TCERG1: variants seen among roughly 807,000 people sequenced by gnomAD.
TCERG1 encodes transcription elongation regulator 1, also known as TATA box binding protein (TBP)-associated factor, RNA polymerase II, S, 150kD.
In TCERG1, 37 loss-of-function variants were observed where a neutral mutation model predicts 144.7. The ratio of observed to expected loss-of-function variants is 0.26; its 90% CI spans 0.20 to 0.34. TCERG1 has a LOEUF of 0.34. TCERG1 is among the 10% of genes least tolerant of loss of function. TCERG1 has a pLI of 1.00. For synonymous variants in TCERG1, 492 were observed against 458.2 expected (o/e 1.07, Z -0.94); for missense variants, 1,027 against 1,380.7 (o/e 0.74, Z 4.06).
intron 15 of TCERG1, among the ~76,000 whole-genome samples, 190 bp downstream of exon 15, chr5:146,483,819 T>G (rs1425752608): frequency 4.6e-5 from 7 of 152,162 alleles, no homozygotes; most frequent in Non-Finnish European, 1.0e-4. Context: ...TTTTTGCCCT[T>G]ATGAGCATGG....
At chr5:146,460,433 TA>T (rs1763241534) in intron 4 of TCERG1, among the ~76,000 whole-genome samples, 1 of 151,678 alleles carries the variant, frequency 6.6e-6, no homozygotes, top group South Asian at 2.1e-4. Flanking sequence ...ATGATTTTTT[TA>T]TTTGATTATT....
rs1406349427 is a variant in TCERG1, at chr5:146,507,838, T to C, written c.2962-35T>C. 1.3e-6 allele frequency: 2 copies of C among 1,487,836 alleles called. No homozygotes were observed. The highest frequency in any genetic ancestry group is 2.3e-5 in the East Asian group (1 of 43,806). 92.2% of individuals were successfully genotyped at this position (1,487,836 alleles called of 1,614,324 possible). ...GTTTGACTCCCTAAGTAAAAGTGAG[T>C]TGTATTTATGTTTTTTATTCATGTC... On this transcript the variant is annotated intron_variant, in intron 20 of 22. Transcript: ENST00000679501. The surrounding 1 kb of genome is among the most constrained non-coding windows in gnomAD (Gnocchi z 4.6).
At chr5:146,471,349 T>C in intron 8 of TCERG1, 139 bp from the exon 9 acceptor site, 2 of 714,664 alleles carry the variant, frequency 2.8e-6, no homozygotes, top group Non-Finnish European at 4.6e-6. Context: ...TTTAGAACTT[T>C]CTTCCTACTC....
intron 4 of TCERG1, among the ~76,000 whole-genome samples, chr5:146,463,109 A>G (rs950123651): frequency 3.9e-5 from 6 of 152,152 alleles, no homozygotes; most frequent in African/African-American, 1.4e-4. Context: ...TTTTGTTGGT[A>G]TGCCTACTGT....
At chr5:146,499,061 T>G (rs1009163893) in intron 17 of TCERG1, among the ~76,000 whole-genome samples, 2 of 152,230 alleles carry the variant, frequency 1.3e-5, no homozygotes, top group Admixed American at 6.5e-5. Flanking sequence ...CTCTAAAAGA[T>G]AGCATTTTAG....
intron 16 of TCERG1, among the ~76,000 whole-genome samples, chr5:146,497,521 C>G (rs921326380): frequency 6.6e-6 from 1 of 152,100 alleles, no homozygotes; most frequent in Non-Finnish European, 1.5e-5. Context: ...CTATTGACTT[C>G]AAAAAATTTT....
chr5:146,457,666 G>A (rs749629254), intron 3 of TCERG1, among the ~76,000 whole-genome samples: 7 of 152,238 alleles, frequency 4.6e-5, no homozygotes, highest in Non-Finnish European at 8.8e-5. Flanking sequence ...ATTCTTATCA[G>A]TAAGGGAATG....
chr5:146,468,905 A>G (rs1438119199), intron 6 of TCERG1, among the ~76,000 whole-genome samples: 1 of 151,880 alleles, frequency 6.6e-6, no homozygotes, highest in Non-Finnish European at 1.5e-5. Context: ...GTTTTGATTC[A>G]CATATCCTTA....
In TCERG1 at chr5:146,447,374, G is replaced by T. The variant is rs752810010; in HGVS notation, c.25G>T (p.Gly9Cys). 6.2e-7 allele frequency: 1 copy of T among 1,611,674 alleles called. No homozygotes were observed. Among genetic ancestry groups the T allele is most frequent in the Non-Finnish European group, 8.5e-7 (1 of 1,179,150 alleles). Residue 9 changes from glycine (G) to cysteine (C), a missense_variant, in exon 1 of 23, where the codon GGC becomes TGC. Gly to Cys is a radical substitution (Grantham distance 159). Around this residue, in one of 6 missense-constraint regions of TCERG1, gnomAD observed 175 missense variants for 197.0 expected, o/e 0.89. Transcript: ENST00000679501. ...AATGGCGGAGCGTGGCGGGGACGGG[G>T]GCGAGAGTGAACGATTCAACCCGGG... The part of the protein sequence containing the change: MAERGGDG[G>C]ESERFNPGEL...
chr5:146,507,805 GT>G lies in TCERG1; in HGVS notation c.2962-67del, dbSNP rs1208372545. 1.9e-6 allele frequency: 2 copies of G among 1,038,870 alleles called. No homozygotes were observed. Among genetic ancestry groups the G allele is most frequent in the Admixed American group, 2.1e-5 (1 of 48,602 alleles). The allele number at this position is 1,038,870 out of a possible 1,614,324, so 64.4% of individuals were successfully genotyped here. ...TCAGTGTGTAATATTATGTACCTAT[GT>G]GCTGCAGTTTGACTCCCTAAGTAAA... On this transcript the variant is annotated intron_variant, in intron 20 of 22. Coordinates refer to ENST00000679501, the MANE Select transcript of TCERG1 (RefSeq NM_001382548.1). This position sits in a 1 kb window ranked among gnomAD's most constrained non-coding sequence, Gnocchi z 4.6.
intron 15 of TCERG1, among the ~76,000 whole-genome samples, chr5:146,492,008 G>A (rs528198518): frequency 1.6e-4 from 24 of 152,094 alleles, no homozygotes; most frequent in Non-Finnish European, 2.8e-4. Context: ...AAAACAACCC[G>A]TAGGCCATAG....
intron 14 of TCERG1, 147 bp from the exon 15 acceptor site, chr5:146,483,393 A>G (rs1765533981): frequency 3.2e-6 from 2 of 616,830 alleles, no homozygotes; most frequent in Non-Finnish European, 5.5e-6. Flanking sequence ...CTAGCCTCCC[A>G]CTGCTTGTCA....
chr5:146,452,590 C>A lies in TCERG1; in HGVS notation c.60-2466C>A, dbSNP rs1462303494. On this transcript the variant is annotated intron_variant, in intron 1 of 22. Transcript: ENST00000679501. Reference sequence around the variant, plus strand: ...TGTGTTTGAATCCTCTCTTTATTTTCTTTATTTATTTATTATTGAGACAGA... The same window carrying A: ...TGTGTTTGAATCCTCTCTTTATTTTATTTATTTATTTATTATTGAGACAGA... 5.3e-5 allele frequency among the ~76,000 whole-genome samples: 8 copies of A among 152,204 alleles called. No homozygotes were observed. The South Asian group carries it at 1.0e-3, about 20-fold the overall frequency.
intron 5 of TCERG1, among the ~76,000 whole-genome samples, chr5:146,466,429 G>A (rs1365294420): frequency 6.6e-6 from 1 of 152,122 alleles, no homozygotes; most frequent in Admixed American, 6.5e-5. Flanking sequence ...GGATAAATGG[G>A]TCTAGGATTA....
intron 17 of TCERG1, among the ~76,000 whole-genome samples, chr5:146,501,202 C>G (rs2150842421): frequency 6.6e-6 from 1 of 152,176 alleles, no homozygotes; most frequent in South Asian, 2.1e-4. Context: ...ATATTTTTCT[C>G]TTCCCTCTCT....
intron 1 of TCERG1, among the ~76,000 whole-genome samples, chr5:146,454,080 G>T (rs934898965): frequency 1.3e-5 from 2 of 150,996 alleles, no homozygotes; most frequent in African/African-American, 4.9e-5. Context: ...GCATGGTGGC[G>T]CATGCCTGTA....
chr5:146,498,631 T>C lies in TCERG1; in HGVS notation c.2378T>C (p.Phe793Ser). 1 of 1,611,656 alleles carries C rather than the reference T, an allele frequency of 6.2e-7. No individual in the cohort carries two copies. Among genetic ancestry groups the C allele is most frequent in the Non-Finnish European group, 8.5e-7 (1 of 1,178,924 alleles). ...GACCGAGAAGCCTTGTTTAATGAGT[T>C]TGTGGCCGCTGCTAGGAAGAAAGAG... Reference protein sequence around the residue: ...MKDREALFNEFVAAARKKEKE... With the variant: ...MKDREALFNESVAAARKKEKE... Residue 793 changes from phenylalanine (F) to serine (S), a missense_variant, in exon 17 of 23, where the codon TTT becomes TCT. By Grantham distance (155) the Phe-to-Ser change is radical. Transcript: ENST00000679501.
rs1451758325 is a variant in TCERG1, at chr5:146,511,325, T to C, written c.*683T>C. The C allele has an allele frequency of 6.6e-6, 1 of 152,670 alleles. No individual in the cohort carries two copies. The highest frequency in any genetic ancestry group is 1.5e-5 in the Non-Finnish European group (1 of 68,046). 9.5% of individuals were successfully genotyped at this position (152,670 alleles called of 1,614,324 possible). On this transcript the variant is annotated 3_prime_UTR_variant, in exon 23 of 23. Coordinates refer to ENST00000679501, the MANE Select transcript of TCERG1 (RefSeq NM_001382548.1). Reference sequence around the variant, plus strand: ...AGAATAGAACCACTGGTTAAACATATTTTATTCACCATTAAGTGATCTTTA... The same window carrying C: ...AGAATAGAACCACTGGTTAAACATACTTTATTCACCATTAAGTGATCTTTA...
chr5:146,498,708 T>A (rs373260309), intron 17 of TCERG1, 22 bp downstream of exon 17: 42 of 1,596,344 alleles, frequency 2.6e-5, no homozygotes, highest in Non-Finnish European at 3.5e-5. Context: ...TTAGTTCCAG[T>A]GGTGTGATTG....
Sources: allele counts gnomAD v4.1 joint callset (sites outside exome capture counted in the v4.1 genomes callset), GRCh38; gene constraint gnomAD v4.1.1; regional missense constraint gnomAD v4.1.1; non-coding constraint Gnocchi (gnomAD v3.1); transcripts MANE v1.5; gene names NCBI Gene and HGNC (gene_info 2026-07-23, HGNC 2026-07-21).